ODAD2: variants seen among roughly 807,000 people sequenced by gnomAD.
ODAD2 encodes outer dynein arm-docking complex subunit 2.
Under a neutral mutation model 106.8 loss-of-function variants are expected in ODAD2, and 89 were observed. That is an observed-to-expected ratio of 0.83 (90% CI 0.70 to 0.99). The LOEUF (loss-of-function observed/expected upper bound fraction) is 0.99, where lower values mean the gene tolerates loss of function less well. Ranked by LOEUF, ODAD2 falls within the 50% of genes least tolerant of loss-of-function variation. ODAD2 has a pLI of 0.00. For synonymous variants in ODAD2, 404 were observed against 436.2 expected (o/e 0.93, Z 0.92); for missense variants, 1,168 against 1,238.5 (o/e 0.94, Z 0.85).
chr10:27,952,074 C>CAAAAAAAAAAAAAAAAAAAAAAAAAA (rs71388944), intron 10 of ODAD2, among the ~76,000 whole-genome samples: 12 of 44,006 alleles, frequency 2.7e-4, no homozygotes, highest in African/African-American at 5.6e-4. Flanking sequence ...GATGCCAACT[C>CAAAAAAAAAAAAAAAAAAAAAAAAAA]AAAAAAAAAA....
chr10:27,994,932 C>A lies in ODAD2; in HGVS notation c.211G>T (p.Gly71Cys). Residue 71 changes from glycine to cysteine, a missense_variant, in exon 2 of 20, where the codon GGT becomes TGT. By Grantham distance (159) the Gly-to-Cys change is radical (BLOSUM62 -3). This residue lies in a region of ODAD2 where 430 missense variants were observed against 452.2 expected (regional missense o/e 0.95). Transcript: ENST00000305242. ...TAACTGGCTTACCTGACAACATAAC[C>A]TGATTCAAATGCTGAGGGCGCCAAA... ...TSLAPSAFESGYVVSETTVKS... is the reference protein window; with the variant it reads ...TSLAPSAFESCYVVSETTVKS... 1 of 1,614,158 alleles carries A rather than the reference C, an allele frequency of 6.2e-7. No individual in the cohort carries two copies. Among genetic ancestry groups the A allele is most frequent in the South Asian group, 1.1e-5 (1 of 91,074 alleles).
At chr10:27,867,547 C>T (rs939081431) in intron 17 of ODAD2, among the ~76,000 whole-genome samples, 1 of 152,136 alleles carries the variant, frequency 6.6e-6, no homozygotes, top group African/African-American at 2.4e-5. Flanking sequence ...CCAGAATGCA[C>T]CCTGCATCAC....
intron 7 of ODAD2, among the ~76,000 whole-genome samples, chr10:27,977,262 G>C (rs1306003998): frequency 6.6e-6 from 1 of 151,990 alleles, no homozygotes; most frequent in Non-Finnish European, 1.5e-5. Context: ...ACATTGCTTA[G>C]AGAATAAAAA....
rs192256454 is a variant in ODAD2, at chr10:27,818,607, G to A, written c.3022-5982C>T. Among the ~76,000 whole-genome samples the A allele has an allele frequency of 5.5e-4, 84 of 152,224 alleles. 1 individual carries two copies. The Middle Eastern group carries it at 0.014, about 25-fold the overall frequency. ...GAGCTTGATTTCCATACGCAAATGA[G>A]ATTTAGAAAAAAATCTAGTCTCCAA... On this transcript the variant is annotated intron_variant, in intron 19 of 19. Transcript: ENST00000305242.
chr10:27,980,498 A>G (rs1849477331), intron 7 of ODAD2, among the ~76,000 whole-genome samples: 1 of 152,126 alleles, frequency 6.6e-6, no homozygotes, highest in Non-Finnish European at 1.5e-5. Flanking sequence ...TTCAATTTAA[A>G]ATATAAGCTA....
At chr10:27,818,839 A>T (rs1836363858) in intron 19 of ODAD2, among the ~76,000 whole-genome samples, 1 of 152,300 alleles carries the variant, frequency 6.6e-6, no homozygotes, top group South Asian at 2.1e-4. Context: ...CCTGAGAAGG[A>T]ATCTAGATGC....
At chr10:27,813,814 T>C (rs1589730258) in intron 19 of ODAD2, among the ~76,000 whole-genome samples, 1 of 152,090 alleles carries the variant, frequency 6.6e-6, no homozygotes, top group South Asian at 2.1e-4. Context: ...ATATAGACTG[T>C]AGAGAAAAGA....
intron 2 of ODAD2, among the ~76,000 whole-genome samples, chr10:27,988,630 A>C (rs1214088099): frequency 6.6e-6 from 1 of 152,036 alleles, no homozygotes; most frequent in Non-Finnish European, 1.5e-5. Flanking sequence ...GAGCTACCAC[A>C]CCTGGCCTGA....
chr10:27,848,351 G>A (rs1014609515), intron 19 of ODAD2, among the ~76,000 whole-genome samples: 6 of 152,138 alleles, frequency 3.9e-5, no homozygotes, highest in Non-Finnish European at 7.4e-5. Context: ...AATGGTGCTG[G>A]GAAAACTGGC....
intron 1 of ODAD2, among the ~76,000 whole-genome samples, chr10:27,997,857 T>A (rs1850647862): frequency 6.6e-6 from 1 of 152,100 alleles, no homozygotes; most frequent in Non-Finnish European, 1.5e-5. Flanking sequence ...TTAAAATGAA[T>A]CCATGTAAAT....
chr10:27,889,125 C>T (rs1842406935), intron 17 of ODAD2, among the ~76,000 whole-genome samples: 1 of 152,146 alleles, frequency 6.6e-6, no homozygotes, highest in South Asian at 2.1e-4. Flanking sequence ...AACAGTTATA[C>T]AAAGGGGCTT....
intron 17 of ODAD2, among the ~76,000 whole-genome samples, chr10:27,901,388 T>A (rs1030862105): frequency 6.6e-6 from 1 of 152,074 alleles, no homozygotes; most frequent in Non-Finnish European, 1.5e-5. Context: ...ATCAACACTA[T>A]GAAGAAACTA....
intron 19 of ODAD2, among the ~76,000 whole-genome samples, chr10:27,822,134 G>A (rs954319652): frequency 2.8e-4 from 43 of 152,202 alleles, no homozygotes; most frequent in African/African-American, 9.2e-4. Flanking sequence ...TCATGCCCTC[G>A]GCATGCAGCT....
At chr10:27,989,175 T>C (rs1850068927) in intron 2 of ODAD2, among the ~76,000 whole-genome samples, 1 of 152,156 alleles carries the variant, frequency 6.6e-6, no homozygotes, top group Admixed American at 6.5e-5. Context: ...AACTGTAAGA[T>C]AATACATTTG....
intron 7 of ODAD2, among the ~76,000 whole-genome samples, chr10:27,975,449 T>C (rs1282498737): frequency 2.0e-5 from 3 of 151,984 alleles, no homozygotes; most frequent in Admixed American, 2.0e-4. Flanking sequence ...GAGGTAACAA[T>C]GACTACAAAT....
At chr10:27,900,222 GT>G (rs1843107205) in intron 17 of ODAD2, among the ~76,000 whole-genome samples, 1 of 152,136 alleles carries the variant, frequency 6.6e-6, no homozygotes, top group African/African-American at 2.4e-5. Flanking sequence ...GCAGCAGAGA[GT>G]CCTGACTGTT....
At position 27,971,333 on chromosome 10, in the gene ODAD2, A is replaced by G. The variant is rs1198627053; in HGVS notation, c.937-20T>C. 1 of 1,544,182 alleles carries G rather than the reference A, an allele frequency of 6.5e-7. No homozygotes were observed. The highest frequency in any genetic ancestry group is 1.4e-5 in the African/African-American group (1 of 71,866). The stretch of plus-strand genomic sequence containing the variant: ...AATTCCCTTTATTTAAAAAATGAGA[A>G]TAATTTTTAATGATATCTGAATTAT... On this transcript the variant is annotated intron_variant, in intron 7 of 19. Transcript: ENST00000305242.
chr10:27,957,982 T>C (rs914030363), intron 10 of ODAD2, among the ~76,000 whole-genome samples: 4 of 152,234 alleles, frequency 2.6e-5, no homozygotes, highest in African/African-American at 9.6e-5. Context: ...GGTGTATTTA[T>C]TTTGAGATTA....
At chr10:27,920,228 T>C (rs1431370835) in intron 16 of ODAD2, among the ~76,000 whole-genome samples, 1 of 152,178 alleles carries the variant, frequency 6.6e-6, no homozygotes, top group Non-Finnish European at 1.5e-5. Flanking sequence ...GTGTTTCCCT[T>C]CCAATAATTT....
Sources: allele counts gnomAD v4.1 joint callset (sites outside exome capture counted in the v4.1 genomes callset), GRCh38; gene constraint gnomAD v4.1.1; regional missense constraint gnomAD v4.1.1; transcripts MANE v1.5; gene names NCBI Gene and HGNC (gene_info 2026-07-23, HGNC 2026-07-21).